Variants in KMT2A observed in about 807,000 individuals in gnomAD.
KMT2A encodes lysine methyltransferase 2A, also known as histone-lysine N-methyltransferase 2A.
KMT2A carries 16 observed loss-of-function variants against 345.3 expected under a neutral mutation model. The observed-to-expected ratio is 0.05, with a 90% CI of 0.03 to 0.07. The LOEUF (loss-of-function observed/expected upper bound fraction) is 0.07, where lower values mean the gene tolerates loss of function less well. Ranked by LOEUF, KMT2A falls within the 10% of genes least tolerant of loss-of-function variation. The probability of loss-of-function intolerance (pLI) is 1.00; values close to 1 mark genes in which losing one functional copy is unlikely to be tolerated. For synonymous variants in KMT2A, 1,599 were observed against 1,778.6 expected (o/e 0.90, Z 2.54); for missense variants, 3,272 against 4,841.6 (o/e 0.68, Z 9.62).
chr11:118,490,072 TAAGTA>T lies in KMT2A; in HGVS notation c.4576-53_4576-49del, dbSNP rs770351051. ...TGGATGCATTTAAGATCTTTTTAGT[TAAGTA>T]AAGATATTAAAAACAAGAAATTCCT... On this transcript the variant is annotated intron_variant, in intron 12 of 35. Transcript: ENST00000534358. This position sits in a 1 kb window ranked among gnomAD's most constrained non-coding sequence, Gnocchi z 4.2. 7.5e-4 allele frequency: 1,147 copies of T among 1,538,526 alleles called. No individual in the cohort carries two copies. Among genetic ancestry groups the T allele is most frequent in the Non-Finnish European group, 8.9e-4 (1,015 of 1,135,498 alleles).
chr11:118,481,876 C>T lies in KMT2A; in HGVS notation c.3796C>T (p.Pro1266Ser), dbSNP rs370374383. The T allele has an allele frequency of 4.7e-5, 76 of 1,614,020 alleles. No homozygotes were observed. The highest frequency in any genetic ancestry group is 6.1e-5 in the Non-Finnish European group (72 of 1,180,030). Residue 1266 changes from proline (P) to serine (S), a missense_variant, in exon 7 of 36, where the codon CCC becomes TCC. By Grantham distance (74) the Pro-to-Ser change is moderately conservative. Transcript: ENST00000534358. ...CAGTAGTGAGCCTCCTCCACGAAAG[C>T]CCGTCGAGGAAAAGAGTGAAGAAGG... Reference protein sequence around the residue: ...KSSSEPPPRKPVEEKSEEGNV... With the variant: ...KSSSEPPPRKSVEEKSEEGNV...
At chr11:118,509,293 A>T (rs1165823055) in intron 29 of KMT2A, 93 bp downstream of exon 29, 22 of 595,764 alleles carry the variant, frequency 3.7e-5, no homozygotes, top group Middle Eastern at 3.0e-4. Context: ...TTCTACATTT[A>T]AAAAAAAAAA....
At chr11:118,474,585 C>T (rs1555037005) in intron 3 of KMT2A, among the ~76,000 whole-genome samples, 2 of 152,270 alleles carry the variant, frequency 1.3e-5, no homozygotes, top group African/African-American at 4.8e-5. Context: ...GCTGGATTGG[C>T]ATCTGTGGAA....
rs782631753 is a variant in KMT2A at position 118,505,605 on chromosome 11, C to T, written c.9713C>T (p.Ala3238Val). ...CAGACCCGAAAGAATAAAAAACTTG[C>T]TCCCTCTAGTACCCCTTCAAACATT... Reference protein sequence around the residue: ...RLQTRKNKKLAPSSTPSNIAP... With the variant: ...RLQTRKNKKLVPSSTPSNIAP... The change falls in exon 27 of 36, where the codon GCT becomes GTT. Residue 3238 changes from alanine (A) to valine (V), a missense_variant. Around this residue, in one of 27 missense-constraint regions of KMT2A, gnomAD observed 748 missense variants for 922.2 expected, o/e 0.81. Transcript: ENST00000534358. The surrounding 1 kb of genome is among the most constrained non-coding windows in gnomAD (Gnocchi z 4.6). 1.2e-6 allele frequency: 2 copies of T among 1,613,994 alleles called. No homozygotes were observed. Among genetic ancestry groups the T allele is most frequent in the Admixed American group, 3.3e-5 (2 of 59,990 alleles).
rs782689014 is a variant in KMT2A, at chr11:118,502,764, T to A, written c.6872T>A (p.Met2291Lys). The A allele has an allele frequency of 1.2e-6, 2 of 1,614,142 alleles. No individual in the cohort carries two copies. Among genetic ancestry groups the A allele is most frequent in the Non-Finnish European group, 1.7e-6 (2 of 1,180,024 alleles). Residue 2291 changes from methionine (M) to lysine (K), a missense_variant, in exon 27 of 36, where the codon ATG (methionine) becomes AAG (lysine). Met to Lys is a moderately conservative substitution (Grantham distance 95, BLOSUM62 -1). Coordinates refer to ENST00000534358, the MANE Select transcript of KMT2A (RefSeq NM_001197104.2). The surrounding 1 kb of genome is among the most constrained non-coding windows in gnomAD (Gnocchi z 4.9). ...TTGGATGGATCTTCATCTTCAGAAATGAAGCAGTCCAGTGCTTCAGACTTG... is the reference window on the plus strand; with the variant it reads ...TTGGATGGATCTTCATCTTCAGAAAAGAAGCAGTCCAGTGCTTCAGACTTG... ...SHLDGSSSSE[M>K]KQSSASDLVS...
intron 12 of KMT2A, 107 bp downstream of exon 12, chr11:118,489,994 C>T (rs2134333677): frequency 7.1e-7 from 1 of 1,413,498 alleles, no homozygotes. Context: ...GTATGACAAT[C>T]TTTTTGCCTC....
At position 118,505,997 on chromosome 11, in the gene KMT2A, A is replaced by C. The variant is rs1276941303; in HGVS notation, c.10105A>C (p.Asn3369His). The change falls in exon 27 of 36, where the codon AAC becomes CAC. Residue 3369 changes from asparagine to histidine, a missense_variant. Asn to His is a moderately conservative substitution (Grantham distance 68, BLOSUM62 1). This residue lies in a region of KMT2A where 748 missense variants were observed against 922.2 expected (regional missense o/e 0.81). Transcript: ENST00000534358. This position sits in a 1 kb window ranked among gnomAD's most constrained non-coding sequence, Gnocchi z 4.6. ...AGTTCCAGGACACGTCACCTTAACC[A>C]ACCCAAGGTTGCTTGGTACCCCAGA... ...ASVPGHVTLT[N>H]PRLLGTPDIG... 1 of 1,614,052 alleles carries C rather than the reference A, an allele frequency of 6.2e-7. No homozygotes were observed. The highest frequency in any genetic ancestry group is 8.5e-7 in the Non-Finnish European group (1 of 1,180,040).
chr11:118,508,357 A>G (rs9332850), intron 28 of KMT2A, among the ~76,000 whole-genome samples: 3,084 of 152,336 alleles, frequency 0.02, 116 homozygotes, highest in African/African-American at 0.068. Context: ...GCTGCCGCCA[A>G]TTCTATTGTG....
chr11:118,519,226 T>C (rs1321042739), intron 31 of KMT2A, among the ~76,000 whole-genome samples: 1 of 152,112 alleles, frequency 6.6e-6, no homozygotes, highest in African/African-American at 2.4e-5. Context: ...TCATGTAGCC[T>C]TGGGAGTGTT....
chr11:118,508,755 G>A (rs964261490), intron 28 of KMT2A, among the ~76,000 whole-genome samples: 3 of 150,924 alleles, frequency 2.0e-5, no homozygotes, highest in Non-Finnish European at 4.4e-5. Context: ...ATTGATTGTG[G>A]TTTATAAGCT....
In KMT2A at chr11:118,471,721, G is replaced by A. The variant is rs1357303072; in HGVS notation, c.562G>A (p.Ala188Thr). 6.2e-7 allele frequency: 1 copy of A among 1,607,102 alleles called. No individual in the cohort carries two copies. The highest frequency in any genetic ancestry group is 8.5e-7 in the Non-Finnish European group (1 of 1,178,260). Residue 188 changes from alanine (A) to threonine (T), a missense_variant, in exon 3 of 36, where the codon GCT becomes ACT. Around this residue, in one of 27 missense-constraint regions of KMT2A, gnomAD observed 412 missense variants for 511.0 expected, o/e 0.81. Coordinates refer to ENST00000534358, the MANE Select transcript of KMT2A (RefSeq NM_001197104.2). ...TAGAAGTGGCTCTGACCGAAATTCA[G>A]CTATCCTCTCAGATCCATCTGTGTT... The part of the protein sequence containing the change: ...RPRSGSDRNS[A>T]ILSDPSVFSP...
chr11:118,450,563 G>A (rs930369502), intron 1 of KMT2A: 9 of 152,208 alleles, frequency 5.9e-5, no homozygotes, highest in African/African-American at 1.7e-4. Context: ...TCATTCTTGT[G>A]TGGGTGAAAT....
In KMT2A at chr11:118,493,120, G is replaced by A. The variant is rs781787241; in HGVS notation, c.5068G>A (p.Glu1690Lys). Residue 1690 changes from glutamate to lysine, a missense_variant, in exon 16 of 36, where the codon GAA becomes AAA. By Grantham distance (56) the Glu-to-Lys change is moderately conservative. This residue lies in a region of KMT2A where 66 missense variants were observed against 80.1 expected (regional missense o/e 0.82). Transcript: ENST00000534358. This position sits in a 1 kb window ranked among gnomAD's most constrained non-coding sequence, Gnocchi z 5.8. Reference sequence around the variant, plus strand: ...GAGTATACCTTCCCGCAGCTCCCCCGAAGGACCTGATCCACCAGTTCTTAC... The same window carrying A: ...GAGTATACCTTCCCGCAGCTCCCCCAAAGGACCTGATCCACCAGTTCTTAC... ...EESIPSRSSP[E>K]GPDPPVLTEV... The A allele has an allele frequency of 2.1e-5, 34 of 1,614,006 alleles. No individual in the cohort carries two copies. The South Asian group carries it at 2.6e-4, about 13-fold the overall frequency.
chr11:118,506,702 A>G, intron 27 of KMT2A, 56 bp downstream of exon 27: 1 of 1,498,984 alleles, frequency 6.7e-7, no homozygotes, highest in Non-Finnish European at 9.0e-7. Context: ...GTTGTAAATT[A>G]GGGGCTGTTG....
rs1255976486 is a variant in KMT2A at position 118,437,223 on chromosome 11, G to T, written c.432+279G>T. On this transcript the variant is annotated intron_variant, in intron 1 of 35. Transcript: ENST00000534358. ...CCTTGGCACAGACCCCCTCGCCGGG[G>T]TTTCCCATCCCGGGACTGAACCCCT... Among the ~76,000 whole-genome samples, 18 of 151,732 alleles carry T rather than the reference G, an allele frequency of 1.2e-4. No homozygotes were observed. In the South Asian group the frequency reaches 3.8e-3, roughly 32 times the overall value.
chr11:118,475,680 G>A (rs9332778), intron 3 of KMT2A, among the ~76,000 whole-genome samples: 2 of 152,158 alleles, frequency 1.3e-5, no homozygotes, highest in South Asian at 2.1e-4. Context: ...CCGAGATCAC[G>A]GCACTACACT....
rs1440331866 is a variant in KMT2A at position 118,498,265 on chromosome 11, A to G, written c.5803-105A>G. On this transcript the variant is annotated intron_variant, in intron 21 of 35. Coordinates refer to ENST00000534358, the MANE Select transcript of KMT2A (RefSeq NM_001197104.2). This position sits in a 1 kb window ranked among gnomAD's most constrained non-coding sequence, Gnocchi z 4.4. ...TGTTTTCAATTTATCAATAGATAAA[A>G]TGAATTGTAGGAACTGTAGAATGGG... The G allele has an allele frequency of 2.6e-5, 31 of 1,213,968 alleles. No homozygotes were observed. Among genetic ancestry groups the G allele is most frequent in the Non-Finnish European group, 3.1e-5 (27 of 864,150 alleles). The allele number at this position is 1,213,968 out of a possible 1,614,324, so 75.2% of individuals were successfully genotyped here.
chr11:118,460,832 A>G (rs1591363074), intron 1 of KMT2A, among the ~76,000 whole-genome samples: 2 of 152,116 alleles, frequency 1.3e-5, no homozygotes, highest in East Asian at 3.9e-4. Context: ...ATACCCAGCT[A>G]TTCTTTAGTG....
At chr11:118,467,376 CAA>C (rs782320114) in intron 1 of KMT2A, among the ~76,000 whole-genome samples, 11 of 114,138 alleles carry the variant, frequency 9.6e-5, no homozygotes, top group Non-Finnish European at 7.6e-5. Context: ...GACTCCGTCT[CAA>C]AAAAAAAAAA....
Sources: allele counts gnomAD v4.1 joint callset (sites outside exome capture counted in the v4.1 genomes callset), GRCh38; gene constraint gnomAD v4.1.1; regional missense constraint gnomAD v4.1.1; non-coding constraint Gnocchi (gnomAD v3.1); transcripts MANE v1.5; gene names NCBI Gene and HGNC (gene_info 2026-07-23, HGNC 2026-07-21).